Variants in PSMC1 observed in about 807,000 individuals in gnomAD.
The protein encoded by PSMC1 is 26S proteasome regulatory subunit 4.
Under a neutral mutation model 49.8 loss-of-function variants are expected in PSMC1, and 5 were observed. The observed-to-expected ratio is 0.10, with a 90% CI of 0.05 to 0.21. PSMC1 has a LOEUF of 0.21. Among genes scored for constraint, PSMC1 ranks in the 10% least tolerant of loss-of-function variants. The pLI, the probability that PSMC1 is intolerant of heterozygous loss-of-function variation, is 1.00. For missense variants in PSMC1, 181 were observed against 535.7 expected (o/e 0.34, Z 6.54); for synonymous variants, 155 against 192.1 (o/e 0.81, Z 1.60).
intron 3 of PSMC1, 104 bp downstream of exon 3, chr14:90,260,315 A>G: frequency 4.0e-6 from 3 of 754,864 alleles, no homozygotes; most frequent in Non-Finnish European, 4.4e-6. Flanking sequence ...TAGAGGGGCA[A>G]CTGAAGCTCT....
chr14:90,263,640 C>T (rs8015510), intron 4 of PSMC1, 22 bp from the exon 5 acceptor site: 947,368 of 1,609,170 alleles, frequency 0.59, 281,476 homozygotes, highest in Middle Eastern at 0.7. Context: ...CTGCTTTTTT[C>T]CCTTGGCATT....
chr14:90,264,227 A>G, intron 6 of PSMC1, 58 bp downstream of exon 6: 2 of 1,599,630 alleles, frequency 1.3e-6, no homozygotes, highest in African/African-American at 1.4e-5. Flanking sequence ...TGTCCCATTT[A>G]GGATACTTTG....
intron 1 of PSMC1, among the ~76,000 whole-genome samples, chr14:90,257,209 T>TTTG (rs34393448): frequency 0.47 from 71,823 of 151,682 alleles, 17,433 homozygotes; most frequent in Middle Eastern, 0.67. Flanking sequence ...CACTTGGTGT[T>TTTG]TTGTTGTTGT....
chr14:90,269,583 T>C, intron 9 of PSMC1, 35 bp downstream of exon 9: 1 of 1,605,720 alleles, frequency 6.2e-7, no homozygotes, highest in Non-Finnish European at 8.5e-7. Context: ...TGGAGATTAA[T>C]GTGTTTATAT....
In PSMC1 at chr14:90,268,242, A is replaced by G; in HGVS notation, c.710A>G (p.Lys237Arg). 6.3e-7 allele frequency: 1 copy of G among 1,590,410 alleles called. No individual in the cohort carries two copies. The highest frequency in any genetic ancestry group is 8.5e-7 in the Non-Finnish European group (1 of 1,171,502). Residue 237 changes from lysine to arginine, a missense_variant, in exon 8 of 11, where the codon AAA becomes AGA. This residue lies in a region of PSMC1 where 121 missense variants were observed against 358.6 expected (regional missense o/e 0.34). Transcript: ENST00000261303. ...PPGTGKTLLA[K>R]AVANQTSATF... ...AAAATAGGTAAAACCTTGTTAGCCAAAGCAGTAGCAAACCAAACCTCAGCC... is the reference window on the plus strand; with the variant it reads ...AAAATAGGTAAAACCTTGTTAGCCAGAGCAGTAGCAAACCAAACCTCAGCC...
intron 7 of PSMC1, among the ~76,000 whole-genome samples, chr14:90,266,903 GT>G (rs1419442529): frequency 6.6e-6 from 1 of 152,118 alleles, no homozygotes; most frequent in African/African-American, 2.4e-5. Context: ...GCTGAGCTTT[GT>G]GTCAGCCATC....
At chr14:90,268,598 G>C in intron 8 of PSMC1, 185 bp downstream of exon 8, 2 of 602,600 alleles carry the variant, frequency 3.3e-6, no homozygotes, top group South Asian at 4.1e-5. Flanking sequence ...AACTGTGAAC[G>C]TCTGGAGAGA....
In PSMC1 at chr14:90,272,525, T is replaced by A; in HGVS notation, c.*118T>A. 2 of 657,668 alleles carry A rather than the reference T, an allele frequency of 3.0e-6. No homozygotes were observed. Among genetic ancestry groups the A allele is most frequent in the Non-Finnish European group, 5.2e-6 (2 of 385,052 alleles). 40.7% of individuals were successfully genotyped at this position (657,668 alleles called of 1,614,324 possible). On this transcript the variant is annotated 3_prime_UTR_variant, in exon 11 of 11. Transcript: ENST00000261303. This position sits in a 1 kb window ranked among gnomAD's most constrained non-coding sequence, Gnocchi z 4.5. The stretch of plus-strand genomic sequence containing the variant: ...CCCACTGATTTTTATTAGCAAAACA[T>A]CCTGTGTCTTTTGGAGTACGATGTG...
At chr14:90,257,751 C>A (rs1891323399) in intron 1 of PSMC1, among the ~76,000 whole-genome samples, 2 of 152,058 alleles carry the variant, frequency 1.3e-5, no homozygotes, top group Admixed American at 1.3e-4. Context: ...CGCCACTACG[C>A]CCGGCTAATT....
intron 9 of PSMC1, 167 bp from the exon 10 acceptor site, chr14:90,270,031 C>A: frequency 1.5e-6 from 1 of 673,088 alleles, no homozygotes; most frequent in Non-Finnish European, 2.4e-6. Context: ...ATGTAGAAAT[C>A]TACAAACTAC....
intron 7 of PSMC1, among the ~76,000 whole-genome samples, chr14:90,265,475 G>A (rs1313818140): frequency 6.6e-6 from 1 of 152,182 alleles, no homozygotes; most frequent in Admixed American, 6.5e-5. Flanking sequence ...TGGATCATGA[G>A]GTCAGGAGTT....
At chr14:90,261,754 A>G (rs971245203) in intron 3 of PSMC1, among the ~76,000 whole-genome samples, 1 of 151,746 alleles carries the variant, frequency 6.6e-6, no homozygotes, top group Non-Finnish European at 1.5e-5. Context: ...CGATTCCTCA[A>G]GGATCTAGAA....
intron 7 of PSMC1, chr14:90,268,011 C>T (rs1891562694): frequency 2.2e-6 from 1 of 460,528 alleles, no homozygotes; most frequent in Admixed American, 3.9e-5. Flanking sequence ...AGCAAAATAG[C>T]TAAGGATAAT....
intron 3 of PSMC1, among the ~76,000 whole-genome samples, chr14:90,261,676 A>G (rs1382823907): frequency 6.6e-6 from 1 of 152,198 alleles, no homozygotes; most frequent in Non-Finnish European, 1.5e-5. Context: ...GGATGTGGAG[A>G]AATAGGAACA....
chr14:90,257,703 C>T (rs1211199369), intron 1 of PSMC1, among the ~76,000 whole-genome samples: 5 of 152,158 alleles, frequency 3.3e-5, no homozygotes, highest in African/African-American at 1.2e-4. Context: ...AGCGATTCTC[C>T]TGCCTTAGCC....
In PSMC1 at chr14:90,270,454, T is replaced by G. The variant is rs1201907001; in HGVS notation, c.1188+102T>G. On this transcript the variant is annotated intron_variant, in intron 10 of 10. Transcript: ENST00000261303. ...ATGGTGGTTGGCCTGGACAGGTGGG[T>G]GTCTGTATTTTAATCATCATATTGG... 6 of 1,294,744 alleles carry G rather than the reference T, an allele frequency of 4.6e-6. No individual in the cohort carries two copies. In the East Asian group the frequency reaches 1.5e-4, roughly 33 times the overall value. 80.2% of individuals were successfully genotyped at this position (1,294,744 alleles called of 1,614,324 possible). A position where few individuals can be genotyped will look rare whatever the true frequency, so the allele number is the denominator to read the frequency against.
In PSMC1 at chr14:90,263,742, T is replaced by C. The variant is rs1254095365; in HGVS notation, c.360T>C (p.His120=). The C allele has an allele frequency of 2.5e-5, 41 of 1,612,326 alleles. No homozygotes were observed. The highest frequency in any genetic ancestry group is 3.5e-5 in the Non-Finnish European group (41 of 1,178,328). The change falls in exon 5 of 11, where the codon CAT becomes CAC. Residue 120 remains histidine, a synonymous_variant. Coordinates refer to ENST00000261303, the MANE Select transcript of PSMC1 (RefSeq NM_002802.3). ...TGGAAGAGATCATTGATGACAATCA[T>C]GCCATCGTGTCTACATCTGTGGGCT... ...GTLEEIIDDN[H]AIVSTSVGSE...
chr14:90,271,644 C>T (rs934227188), intron 10 of PSMC1: 1 of 151,918 alleles, frequency 6.6e-6, no homozygotes. Flanking sequence ...TGTTTATTTC[C>T]TAGGAATATT....
intron 7 of PSMC1, among the ~76,000 whole-genome samples, chr14:90,266,723 C>T (rs1292563121): frequency 6.6e-6 from 1 of 152,236 alleles, no homozygotes; most frequent in African/African-American, 2.4e-5. Context: ...ACCGCAGAAG[C>T]AGCCCACTGG....
Sources: allele counts gnomAD v4.1 joint callset (sites outside exome capture counted in the v4.1 genomes callset), GRCh38; gene constraint gnomAD v4.1.1; regional missense constraint gnomAD v4.1.1; non-coding constraint Gnocchi (gnomAD v3.1); transcripts MANE v1.5; gene names NCBI Gene and HGNC (gene_info 2026-07-23, HGNC 2026-07-21).